Variants in CTDP1 observed in about 807,000 individuals in gnomAD.
The protein encoded by CTDP1 is CTD phosphatase 1.
CTDP1 carries 47 observed loss-of-function variants against 91.8 expected under a neutral mutation model. The observed-to-expected ratio is 0.51, with a 90% CI of 0.41 to 0.65. CTDP1 has a LOEUF of 0.65. Ranked by LOEUF, CTDP1 falls within the 30% of genes least tolerant of loss-of-function variation. CTDP1 has a pLI of 0.00. For missense variants in CTDP1, 1,272 were observed against 1,373.7 expected, an observed-to-expected ratio of 0.93 and a Z score of 1.17; for synonymous variants, 656 against 598.5, an observed-to-expected ratio of 1.10 and a Z score of -1.40.
intron 5 of CTDP1, among the ~76,000 whole-genome samples, chr18:79,706,208 G>C (rs981625275): frequency 6.6e-6 from 1 of 152,208 alleles, no homozygotes; most frequent in Non-Finnish European, 1.5e-5. Flanking sequence ...TGCTGGCGCC[G>C]TGGTCGGACG....
intron 1 of CTDP1, among the ~76,000 whole-genome samples, chr18:79,691,002 C>T (rs555771001): frequency 5.3e-5 from 8 of 152,320 alleles, no homozygotes; most frequent in Non-Finnish European, 1.0e-4. Flanking sequence ...CGTCAGGAGC[C>T]GGCCTTGTCT....
chr18:79,707,385 C>A (rs923051299), intron 5 of CTDP1, among the ~76,000 whole-genome samples: 3 of 152,256 alleles, frequency 2.0e-5, no homozygotes, highest in Non-Finnish European at 2.9e-5. Context: ...CAGACATCCG[C>A]AGGCCTCTGA....
At chr18:79,743,491 A>C (rs1287718915) in intron 12 of CTDP1, among the ~76,000 whole-genome samples, 3 of 129,250 alleles carry the variant, frequency 2.3e-5, no homozygotes, top group African/African-American at 9.0e-5. Context: ...GTGCCACTAC[A>C]CTCCACCCTG....
chr18:79,741,459 T>C (rs554793672), intron 12 of CTDP1, among the ~76,000 whole-genome samples: 1 of 152,358 alleles, frequency 6.6e-6, no homozygotes, highest in South Asian at 2.1e-4. Flanking sequence ...GGAGCTGTTA[T>C]GTTACTGGCA....
chr18:79,749,695 A>G (rs1391040380), intron 12 of CTDP1: 1 of 152,230 alleles, frequency 6.6e-6, no homozygotes, highest in Admixed American at 6.5e-5. Context: ...TCCACCTGCC[A>G]GTGGGTTGAG....
At chr18:79,693,588 G>A (rs538949374) in intron 1 of CTDP1, among the ~76,000 whole-genome samples, 5 of 152,242 alleles carry the variant, frequency 3.3e-5, no homozygotes, top group African/African-American at 7.2e-5. Context: ...GAGTAAACGC[G>A]GAATCCATTT....
At chr18:79,689,038 G>C (rs1222494154) in intron 1 of CTDP1, among the ~76,000 whole-genome samples, 2 of 152,202 alleles carry the variant, frequency 1.3e-5, no homozygotes, top group Non-Finnish European at 1.5e-5. Context: ...CTAAATACTT[G>C]AGTTTCCTGA....
At chr18:79,723,710 C>T (rs1231468711) in intron 10 of CTDP1, among the ~76,000 whole-genome samples, 1 of 152,068 alleles carries the variant, frequency 6.6e-6, no homozygotes, top group African/African-American at 2.4e-5. Context: ...ACCACTAGGA[C>T]CCACACAGAC....
intron 5 of CTDP1, 66 bp from the exon 6 acceptor site, chr18:79,710,280 C>T: frequency 8.0e-7 from 1 of 1,245,218 alleles, no homozygotes; most frequent in East Asian, 2.3e-5. Flanking sequence ...TTCAAGGCTT[C>T]ACCATGTGCC....
intron 1 of CTDP1, among the ~76,000 whole-genome samples, chr18:79,684,802 T>A (rs1028446924): frequency 6.6e-6 from 1 of 152,240 alleles, no homozygotes. Flanking sequence ...AGATTGTATG[T>A]TTTTGTCGGG....
intron 12 of CTDP1, among the ~76,000 whole-genome samples, chr18:79,744,629 AATG>A (rs1341326727): frequency 6.6e-6 from 1 of 152,234 alleles, no homozygotes; most frequent in Non-Finnish European, 1.5e-5. Flanking sequence ...GACGCTTTAT[AATG>A]ATAACGGATG....
At chr18:79,698,699 A>G (rs1000677104) in intron 4 of CTDP1, among the ~76,000 whole-genome samples, 1 of 152,108 alleles carries the variant, frequency 6.6e-6, no homozygotes, top group Non-Finnish European at 1.5e-5. Context: ...AGTGTTTGCT[A>G]TTGAACAGTA....
At chr18:79,724,941 T>C (rs1332546534) in intron 10 of CTDP1, among the ~76,000 whole-genome samples, 1 of 152,244 alleles carries the variant, frequency 6.6e-6, no homozygotes, top group Non-Finnish European at 1.5e-5. Flanking sequence ...CTGTGTGGTC[T>C]GTTTCTGGGT....
chr18:79,679,456 T>G (rs1304756316), upstream of CTDP1: 1 of 456,240 alleles, frequency 2.2e-6, no homozygotes, highest in Non-Finnish European at 4.4e-6. Flanking sequence ...AGTCTCGGGA[T>G]GCTGGGTCTC....
chr18:79,679,411 G>C (rs368822772), upstream of CTDP1: 2 of 456,014 alleles, frequency 4.4e-6, no homozygotes, highest in African/African-American at 2.0e-5. Context: ...GATGGGAGTG[G>C]AGGAGAGCGG....
intron 8 of CTDP1, among the ~76,000 whole-genome samples, chr18:79,716,944 G>A (rs1568197615): frequency 1.3e-5 from 2 of 152,288 alleles, no homozygotes; most frequent in East Asian, 3.8e-4. Context: ...ATGGGAACCT[G>A]CAGTGGGCAG....
At chr18:79,697,797 T>C (rs2122507660) in intron 3 of CTDP1, 63 bp from the exon 4 acceptor site, 2 of 1,608,114 alleles carry the variant, frequency 1.2e-6, no homozygotes. Context: ...CTCGATGAAA[T>C]GGAGTTTTAC....
rs145525316 is a variant in CTDP1, at chr18:79,693,722, G to A, written c.315-1503G>A. On this transcript the variant is annotated intron_variant, in intron 1 of 12. Transcript: ENST00000613122. ...CCCCGCACCGTGTGTCCTCAGCACC[G>A]TTCCTCCTCCAGGGTGATCCGCACA... 4.6e-3 allele frequency among the ~76,000 whole-genome samples: 698 copies of A among 152,198 alleles called. 3 individuals carry two copies. The highest frequency in any genetic ancestry group is 0.015 in the African/African-American group (624 of 41,516).
intron 12 of CTDP1, among the ~76,000 whole-genome samples, chr18:79,744,867 C>T (rs563623302): frequency 3.0e-4 from 45 of 152,268 alleles, no homozygotes; most frequent in East Asian, 1.2e-3. Flanking sequence ...CTTACAGGAA[C>T]GCAGGAGACC....
Sources: gnomAD v4.1 joint callset for allele counts (sites outside exome capture counted in the v4.1 genomes callset) on GRCh38, gnomAD v4.1.1 for gene constraint, MANE v1.5 for transcripts, NCBI Gene and HGNC (gene_info 2026-07-23, HGNC 2026-07-21) for gene names.